FBXL17: variants seen among roughly 807,000 people sequenced by gnomAD.
FBXL17 encodes F-box/LRR-repeat protein 17.
FBXL17 carries 22 observed loss-of-function variants against 66.2 expected under a neutral mutation model. That is an observed-to-expected ratio of 0.33 (90% CI 0.24 to 0.47). FBXL17 has a LOEUF of 0.47. Ranked by LOEUF, FBXL17 falls within the 20% of genes least tolerant of loss-of-function variation. The pLI is 1.00. For synonymous variants in FBXL17, 474 were observed against 400.5 expected (o/e 1.18, Z -2.19); for missense variants, 878 against 948.2 (o/e 0.93, Z 0.97).
At chr5:108,015,985 G>A (rs1754370684) in intron 7 of FBXL17, among the ~76,000 whole-genome samples, 1 of 152,166 alleles carries the variant, frequency 6.6e-6, no homozygotes, top group Non-Finnish European at 1.5e-5. Flanking sequence ...CTTTAGGAAT[G>A]CAGAAACTAA....
chr5:107,882,068 C>A lies in FBXL17; in HGVS notation c.1823-889G>T, dbSNP rs773267703. 7.2e-5 allele frequency among the ~76,000 whole-genome samples: 11 copies of A among 152,282 alleles called. No homozygotes were observed. In the South Asian group the frequency reaches 2.1e-3, roughly 29 times the overall value. On this transcript the variant is annotated intron_variant, in intron 7 of 8. Transcript: ENST00000542267. ...CTTTATATTTAAGGAGCCCAGAAAACAAATTTCAATACCCCAGCACCAGTT... is the reference window on the plus strand; with the variant it reads ...CTTTATATTTAAGGAGCCCAGAAAAAAAATTTCAATACCCCAGCACCAGTT...
At chr5:108,123,463 A>G (rs533479366) in intron 6 of FBXL17, among the ~76,000 whole-genome samples, 15 of 152,314 alleles carry the variant, frequency 9.8e-5, no homozygotes, top group African/African-American at 2.9e-4. Flanking sequence ...GCACTGAAAT[A>G]TATTCAGCTA....
chr5:108,381,875 G>C lies in FBXL17; in HGVS notation c.-184C>G, dbSNP rs1749990201. On this transcript the variant is annotated 5_prime_UTR_variant, in exon 1 of 9. Transcript: ENST00000542267. Reference sequence around the variant, plus strand: ...GGTGGGCGTCAGCTGCGGGCCGCCGGAGTGCCCGACGGGGGCTACATGCTT... The same window carrying C: ...GGTGGGCGTCAGCTGCGGGCCGCCGCAGTGCCCGACGGGGGCTACATGCTT... 6.2e-6 allele frequency: 8 copies of C among 1,294,560 alleles called. No individual in the cohort carries two copies. In the African/African-American group the frequency reaches 7.7e-5, roughly 13 times the overall value. The allele number at this position is 1,294,560 out of a possible 1,614,324, so 80.2% of individuals were successfully genotyped here.
intron 7 of FBXL17, among the ~76,000 whole-genome samples, chr5:108,010,314 G>C (rs182440517): frequency 6.6e-6 from 1 of 152,270 alleles, no homozygotes; most frequent in South Asian, 2.1e-4. Context: ...CAAGTTGATG[G>C]ACTAGCTAAA....
chr5:107,912,229 A>T (rs921431888), intron 7 of FBXL17, among the ~76,000 whole-genome samples: 2 of 152,254 alleles, frequency 1.3e-5, no homozygotes, highest in Non-Finnish European at 2.9e-5. Context: ...TAAATACATT[A>T]TTCATCTAAT....
intron 3 of FBXL17, among the ~76,000 whole-genome samples, chr5:108,350,512 C>T (rs547189104): frequency 1.2e-4 from 19 of 152,200 alleles, no homozygotes; most frequent in African/African-American, 4.6e-4. Context: ...TCCACTTGTC[C>T]AGCATAAATG....
intron 7 of FBXL17, among the ~76,000 whole-genome samples, chr5:107,954,315 T>G (rs933779384): frequency 6.6e-6 from 1 of 152,230 alleles, no homozygotes. Context: ...AAATAAATAC[T>G]TTTCCTGACA....
intron 6 of FBXL17, among the ~76,000 whole-genome samples, chr5:108,055,948 G>T (rs1198196607): frequency 6.6e-6 from 1 of 152,132 alleles, no homozygotes; most frequent in Non-Finnish European, 1.5e-5. Flanking sequence ...TGATGATCAA[G>T]GTTATAGAGA....
chr5:108,014,401 T>A (rs1367185586), intron 7 of FBXL17, among the ~76,000 whole-genome samples: 1 of 152,106 alleles, frequency 6.6e-6, no homozygotes, highest in Non-Finnish European at 1.5e-5. Context: ...GTCTTTTAAA[T>A]GAAGGCTAGA....
intron 4 of FBXL17, among the ~76,000 whole-genome samples, chr5:108,254,293 C>T (rs982636594): frequency 2.0e-5 from 3 of 152,178 alleles, no homozygotes; most frequent in Non-Finnish European, 4.4e-5. Flanking sequence ...GGCAATTTCC[C>T]TATTTAAGCT....
At chr5:107,926,559 A>C (rs1750532191) in intron 7 of FBXL17, among the ~76,000 whole-genome samples, 1 of 151,010 alleles carries the variant, frequency 6.6e-6, no homozygotes, top group Non-Finnish European at 1.5e-5. Flanking sequence ...TAATTTGGTG[A>C]TTAATGTGTG....
In FBXL17 at chr5:108,381,679, GA is replaced by G; in HGVS notation, c.12del (p.Leu5SerfsTer353). The G allele has an allele frequency of 2.0e-6, 3 of 1,474,764 alleles. No individual in the cohort carries two copies. 91.4% of individuals were successfully genotyped at this position (1,474,764 alleles called of 1,614,324 possible). Reference protein sequence around the residue: MGHLLSKEPRNRPS... With the variant: MGHXLSKEPRNRPS... ...GGGCGGTTACGCGGCTCCTTCGAGAGAAGGTGGCCCATATAGAAGGCCCCGA... is the reference window on the plus strand; with the variant it reads ...GGGCGGTTACGCGGCTCCTTCGAGAGAGGTGGCCCATATAGAAGGCCCCGA... On this transcript the variant is annotated frameshift_variant, in exon 1 of 9. Transcript: ENST00000542267. LOFTEE classifies it high-confidence loss of function.
chr5:107,943,419 T>A (rs987354955), intron 7 of FBXL17, among the ~76,000 whole-genome samples: 6 of 152,124 alleles, frequency 3.9e-5, no homozygotes, highest in Non-Finnish European at 8.8e-5. Flanking sequence ...TTAACTTCGG[T>A]CTTCCCTTTC....
At chr5:108,231,558 C>T (rs184293146) in intron 4 of FBXL17, among the ~76,000 whole-genome samples, 45 of 152,288 alleles carry the variant, frequency 3.0e-4, no homozygotes, top group Non-Finnish European at 6.2e-4. Flanking sequence ...ATGTGTGCTT[C>T]CTGTTCCCGC....
intron 7 of FBXL17, among the ~76,000 whole-genome samples, chr5:107,965,700 A>G (rs1311438272): frequency 6.6e-6 from 1 of 152,186 alleles, no homozygotes; most frequent in Non-Finnish European, 1.5e-5. Context: ...CCTTCATAGG[A>G]AAAATTATAC....
At position 108,185,986 on chromosome 5, in the gene FBXL17, A is replaced by C. The variant is rs1216685921; in HGVS notation, c.1745+131T>G. ...AAGTATAGATCTAGATGGTTTTCAA[A>C]ACTTAAACATAACAATTTGAAAAGG... On this transcript the variant is annotated intron_variant, in intron 6 of 8. Coordinates refer to ENST00000542267, the MANE Select transcript of FBXL17 (RefSeq NM_001163315.3). 7 of 724,050 alleles carry C rather than the reference A, an allele frequency of 9.7e-6. No homozygotes were observed. The Admixed American group carries it at 2.2e-4, about 22-fold the overall frequency. The allele number at this position is 724,050 out of a possible 1,614,324, so 44.9% of individuals were successfully genotyped here.
At chr5:108,116,941 G>T (rs1158524980) in intron 6 of FBXL17, among the ~76,000 whole-genome samples, 1 of 151,956 alleles carries the variant, frequency 6.6e-6, no homozygotes, top group East Asian at 1.9e-4. Context: ...AAAAAAATTG[G>T]TGAAAATAAT....
Position 108,252,307 on chromosome 5 carries a change from G to C in FBXL17, c.1507-28079C>G, listed in dbSNP as rs1213139216. 3.3e-5 allele frequency among the ~76,000 whole-genome samples: 5 copies of C among 151,966 alleles called. No homozygotes were observed. The East Asian group carries it at 9.6e-4, about 29-fold the overall frequency. ...TTTCTTGTTATCAGGTGTAAAACTGGCTTAAGTGTATTCAGAGCAATTAAG... is the reference window on the plus strand; with the variant it reads ...TTTCTTGTTATCAGGTGTAAAACTGCCTTAAGTGTATTCAGAGCAATTAAG... On this transcript the variant is annotated intron_variant, in intron 4 of 8. Transcript: ENST00000542267.
At chr5:107,924,433 C>T (rs1750430893) in intron 7 of FBXL17, among the ~76,000 whole-genome samples, 1 of 152,048 alleles carries the variant, frequency 6.6e-6, no homozygotes, top group South Asian at 2.1e-4. Context: ...GGTATCTAGG[C>T]ATTTGCATAG....
Sources: gnomAD v4.1 joint callset for allele counts (sites outside exome capture counted in the v4.1 genomes callset) on GRCh38, gnomAD v4.1.1 for gene constraint, MANE v1.5 for transcripts, NCBI Gene and HGNC (gene_info 2026-07-23, HGNC 2026-07-21) for gene names.